The following LSM7 variants were observed in gnomAD, a reference collection of about 807,000 sequenced individuals.
The protein encoded by LSM7 is U6 snRNA-associated Sm-like protein LSm7.
In LSM7, 13 loss-of-function variants were observed where a neutral mutation model predicts 14.1. The observed-to-expected ratio is 0.92, with a 90% CI of 0.60 to 1.47. The LOEUF (loss-of-function observed/expected upper bound fraction) is 1.47. Among genes scored for constraint, LSM7 ranks in the 40% most tolerant of loss-of-function variants. The probability of loss-of-function intolerance (pLI) is 0.00; values close to 1 mark genes in which losing one functional copy is unlikely to be tolerated. For synonymous variants in LSM7, 70 were observed against 57.1 expected, an observed-to-expected ratio of 1.23 and a Z score of -1.02; for missense variants, 108 against 140.8, an observed-to-expected ratio of 0.77 and a Z score of 1.18.
intron 3 of LSM7, among the ~76,000 whole-genome samples, chr19:2,323,189 G>A (rs1363701146): frequency 6.6e-6 from 1 of 152,184 alleles, no homozygotes; most frequent in Non-Finnish European, 1.5e-5. Flanking sequence ...ACTGGGGAGG[G>A]GAGCGAGCGG....
chr19:2,323,030 C>T (rs1369570764), intron 3 of LSM7, among the ~76,000 whole-genome samples: 1 of 151,988 alleles, frequency 6.6e-6, no homozygotes, highest in African/African-American at 2.4e-5. Flanking sequence ...AAGAATAAAT[C>T]TTGTCTCAGT....
chr19:2,327,418 A>T (rs2145127377), intron 2 of LSM7, among the ~76,000 whole-genome samples: 1 of 151,860 alleles, frequency 6.6e-6, no homozygotes, highest in African/African-American at 2.4e-5. Flanking sequence ...AACTTTTTGT[A>T]TTTTAGTAGA....
Position 2,324,026 on chromosome 19 carries a change from G to A in LSM7, c.169+99C>T, listed in dbSNP as rs1319603361. The A allele has an allele frequency of 9.7e-6, 9 of 926,378 alleles. No homozygotes were observed. In the South Asian group the frequency reaches 1.1e-4, roughly 11 times the overall value. 57.4% of individuals were successfully genotyped at this position (926,378 alleles called of 1,614,324 possible). Reference sequence around the variant, plus strand: ...AAGAAGAGCCAGCAGGGAGCCCCACGGCTGCCCCCCTCGTCCCACTGCCCC... The same window carrying A: ...AAGAAGAGCCAGCAGGGAGCCCCACAGCTGCCCCCCTCGTCCCACTGCCCC... On this transcript the variant is annotated intron_variant, in intron 3 of 3. Transcript: ENST00000252622.
chr19:2,328,490 C>G lies in LSM7; in HGVS notation c.7-13G>C, dbSNP rs374894991. 146 of 1,613,204 alleles carry G rather than the reference C, an allele frequency of 9.1e-5. 1 individual carries two copies. In the Middle Eastern group the frequency reaches 1.2e-3, roughly 13 times the overall value. On this transcript the variant is annotated splice_polypyrimidine_tract_variant and intron_variant, in intron 1 of 3. Coordinates refer to ENST00000252622, the MANE Select transcript of LSM7 (RefSeq NM_016199.3). ...TCTTCTCCTTATCCTGCGGGGAAAG[C>G]AGAGCGCATGAGACCTGGAGCGCGG...
chr19:2,323,941 C>G (rs777015360), intron 3 of LSM7, among the ~76,000 whole-genome samples, 184 bp downstream of exon 3: 1 of 152,188 alleles, frequency 6.6e-6, no homozygotes, highest in Non-Finnish European at 1.5e-5. Flanking sequence ...CGCTCAAGCC[C>G]GTCCATCGGC....
At chr19:2,322,572 T>C (rs1379863425) in intron 3 of LSM7, among the ~76,000 whole-genome samples, 1 of 152,036 alleles carries the variant, frequency 6.6e-6, no homozygotes, top group Non-Finnish European at 1.5e-5. Context: ...GCTGTTCATG[T>C]GGGGTGGGGA....
intron 3 of LSM7, among the ~76,000 whole-genome samples, chr19:2,323,530 A>G (rs1417099216): frequency 6.6e-6 from 1 of 152,086 alleles, no homozygotes; most frequent in Non-Finnish European, 1.5e-5. Context: ...GGCTCACTGC[A>G]ACCTCCGCCT....
intron 2 of LSM7, chr19:2,328,118 C>T (rs1004460996): frequency 1.1e-5 from 4 of 379,726 alleles, no homozygotes; most frequent in East Asian, 1.0e-4. Flanking sequence ...ACTAAAAATA[C>T]AAATATTAGC....
chr19:2,324,008 G>C, intron 3 of LSM7, 117 bp downstream of exon 3: 1 of 870,822 alleles, frequency 1.1e-6, no homozygotes, highest in Non-Finnish European at 1.8e-6. Context: ...GAGAAGAAGA[G>C]CCAGCAGGGA....
At chr19:2,325,031 A>T (rs181047212) in intron 2 of LSM7, 1 of 152,426 alleles carries the variant, frequency 6.6e-6, no homozygotes, top group African/African-American at 2.4e-5. Flanking sequence ...CCTGCTGCTT[A>T]GGGCTTGCGG....
chr19:2,328,296 G>A, intron 2 of LSM7, 91 bp downstream of exon 2: 1 of 1,065,224 alleles, frequency 9.4e-7, no homozygotes, highest in Non-Finnish European at 1.4e-6. Flanking sequence ...ATAAATAAAA[G>A]AGGTGCTTCC....
At position 2,321,750 on chromosome 19, in the gene LSM7, A is replaced by G; in HGVS notation, c.242T>C (p.Val81Ala). 1.3e-6 allele frequency: 2 copies of G among 1,564,810 alleles called. No homozygotes were observed. The highest frequency in any genetic ancestry group is 1.7e-6 in the Non-Finnish European group (2 of 1,156,146). The change falls in exon 4 of 4, where the codon GTG (valine) becomes GCG (alanine). Residue 81 changes from valine (V) to alanine (A), a missense_variant. Transcript: ENST00000252622. This position sits in a 1 kb window ranked among gnomAD's most constrained non-coding sequence, Gnocchi z 5.0. ...GCCGTCCTGCGGGCAGATTAGCACC[A>G]CGGACGTGCCCCGGCACACCACGAG... is the stretch of plus-strand genomic sequence containing the variant. ...LGLVVCRGTSVVLICPQDGME... is the reference protein window; with the variant it reads ...LGLVVCRGTSAVLICPQDGME...
chr19:2,322,898 T>G (rs1173984417), intron 3 of LSM7, among the ~76,000 whole-genome samples: 15 of 151,778 alleles, frequency 9.9e-5, no homozygotes, highest in Non-Finnish European at 1.9e-4. Flanking sequence ...TTTTTTTTTT[T>G]GTAGAGACAG....
intron 3 of LSM7, among the ~76,000 whole-genome samples, chr19:2,322,233 T>C (rs1471489443): frequency 6.6e-6 from 1 of 152,176 alleles, no homozygotes; most frequent in Admixed American, 6.5e-5. Context: ...GGGGCCAATA[T>C]TCACCCTATA....
At chr19:2,323,292 G>C (rs1599178260) in intron 3 of LSM7, among the ~76,000 whole-genome samples, 1 of 152,158 alleles carries the variant, frequency 6.6e-6, no homozygotes, top group African/African-American at 2.4e-5. Context: ...AAAGGCGCCC[G>C]AGAGGAGCCC....
At chr19:2,325,653 G>A (rs1452503026) in intron 2 of LSM7, among the ~76,000 whole-genome samples, 1 of 76,508 alleles carries the variant, frequency 1.3e-5, no homozygotes, top group Non-Finnish European at 3.9e-5. Flanking sequence ...GCCCTGTGCG[G>A]TGGTGCGGGG....
chr19:2,325,625 C>T (rs1296089138), intron 2 of LSM7, among the ~76,000 whole-genome samples: 1 of 151,220 alleles, frequency 6.6e-6, no homozygotes, highest in Non-Finnish European at 1.5e-5. Context: ...CACGGCTGCT[C>T]CACACACACC....
chr19:2,322,238 C>A (rs1188598374), intron 3 of LSM7, among the ~76,000 whole-genome samples: 1 of 152,206 alleles, frequency 6.6e-6, no homozygotes, highest in Non-Finnish European at 1.5e-5. Context: ...CAATATTCAC[C>A]CTATAACAAA....
chr19:2,328,163 G>A (rs747715952), intron 2 of LSM7: 14 of 515,766 alleles, frequency 2.7e-5, no homozygotes, highest in Admixed American at 1.8e-4. Flanking sequence ...CCAGCTACTC[G>A]GGAGGCTGAG....
Sources: allele counts gnomAD v4.1 joint callset (sites outside exome capture counted in the v4.1 genomes callset), GRCh38; gene constraint gnomAD v4.1.1; non-coding constraint Gnocchi (gnomAD v3.1); transcripts MANE v1.5; gene names NCBI Gene and HGNC (gene_info 2026-07-23, HGNC 2026-07-21).